DBNDD2: variants seen among roughly 807,000 people sequenced by gnomAD.
The protein encoded by DBNDD2 is dysbindin domain containing 2.
DBNDD2 carries 8 observed loss-of-function variants against 14.0 expected under a neutral mutation model. The ratio of observed to expected loss-of-function variants is 0.57; its 90% CI spans 0.33 to 1.03. DBNDD2 has a LOEUF of 1.03. Ranked by LOEUF, DBNDD2 falls within the 50% of genes least tolerant of loss-of-function variation. DBNDD2 has a pLI of 0.03. For synonymous variants in DBNDD2, 94 were observed against 85.3 expected (o/e 1.10, Z -0.56); for missense variants, 194 against 206.0 (o/e 0.94, Z 0.36).
chr20:45,407,556 T>C (rs1989523262), upstream of DBNDD2: 1 of 986,426 alleles, frequency 1.0e-6, no homozygotes, highest in South Asian at 4.7e-5. Flanking sequence ...ATAGCCTCAG[T>C]GCTCTGGCAG....
chr20:45,407,199 G>T (rs1379000176), upstream of DBNDD2: 7 of 553,112 alleles, frequency 1.3e-5, no homozygotes, highest in Non-Finnish European at 1.6e-5. Context: ...AGGGGCCCTG[G>T]GTATTTTTAG....
chr20:45,410,335 C>A lies in DBNDD2; in HGVS notation c.*195C>A. 1.5e-6 allele frequency: 1 copy of A among 654,252 alleles called. No homozygotes were observed. The highest frequency in any genetic ancestry group is 2.6e-6 in the Non-Finnish European group (1 of 390,206). The allele number at this position is 654,252 out of a possible 1,614,324, so 40.5% of individuals were successfully genotyped here. A position where few individuals can be genotyped will look rare whatever the true frequency, so the allele number is the denominator to read the frequency against. ...TACTGCTAATTTTTTCCTGCTGCAA[C>A]CCTCCCACCAGTTTTTGGCTTACTC... On this transcript the variant is annotated 3_prime_UTR_variant, in exon 3 of 3. Transcript: ENST00000372710.
upstream of DBNDD2, chr20:45,406,550 G>A (rs1386177267): frequency 6.6e-7 from 1 of 1,510,796 alleles, no homozygotes; most frequent in Non-Finnish European, 8.9e-7. Flanking sequence ...GAGTGAGCCC[G>A]CCACCGCCCC....
At chr20:45,407,716 A>G (rs1989537830), upstream of DBNDD2, 1 of 995,580 alleles carries the variant, frequency 1.0e-6, no homozygotes, top group African/African-American at 1.7e-5. Flanking sequence ...GTTGGAGTTC[A>G]AAGGAAAGAT....
upstream of DBNDD2, chr20:45,407,203 T>G: frequency 5.1e-6 from 3 of 590,882 alleles, no homozygotes; most frequent in South Asian, 7.5e-5. Context: ...GCCCTGGGTA[T>G]TTTTAGCGTT....
upstream of DBNDD2, chr20:45,408,201 G>A (rs773758880): frequency 5.9e-5 from 92 of 1,551,028 alleles, no homozygotes; most frequent in Admixed American, 1.8e-3. Context: ...TGAATACAGA[G>A]TATCTCTCTT....
upstream of DBNDD2, chr20:45,406,635 G>A: frequency 7.2e-7 from 1 of 1,385,232 alleles, no homozygotes; most frequent in South Asian, 1.7e-5. Context: ...AGCCCTGGAG[G>A]CGCAGCCCCA....
upstream of DBNDD2, chr20:45,406,502 C>T: frequency 6.6e-7 from 1 of 1,525,872 alleles, no homozygotes; most frequent in East Asian, 2.7e-5. Flanking sequence ...TAGCCGCGCT[C>T]GCAGGGGCTG....
upstream of DBNDD2, chr20:45,406,743 C>G: frequency 1.6e-6 from 2 of 1,266,756 alleles, no homozygotes; most frequent in Non-Finnish European, 2.0e-6. Flanking sequence ...GTAGGGGCTC[C>G]GGCGGCGGTG....
rs113063391 is a variant in DBNDD2 at position 45,410,105 on chromosome 20, G to C, written c.451G>C (p.Gly151Arg). 1.9e-6 allele frequency: 3 copies of C among 1,552,730 alleles called. No homozygotes were observed. Among genetic ancestry groups the C allele is most frequent in the African/African-American group, 2.7e-5 (2 of 73,250 alleles). Residue 151 changes from glycine (G) to arginine (R), a missense_variant, in exon 3 of 3, where the codon GGT (glycine) becomes CGT (arginine). Gly to Arg is a moderately radical substitution (Grantham distance 125). Coordinates refer to ENST00000372710, the MANE Select transcript of DBNDD2 (RefSeq NM_001048225.4). ...ACAGTCGGATGAAGAGGAGGAAAGG[G>C]GTGATGGAGGGGCAGAGCCTGGAGC... The part of the protein sequence containing the change: ...LAQSDEEEER[G>R]DGGAEPGACS
Position 45,410,244 on chromosome 20 carries a change from T to C in DBNDD2, c.*104T>C. 8.1e-7 allele frequency: 1 copy of C among 1,238,774 alleles called. No homozygotes were observed. Among genetic ancestry groups the C allele is most frequent in the Non-Finnish European group, 1.1e-6 (1 of 882,306 alleles). The allele number at this position is 1,238,774 out of a possible 1,614,324, so 76.7% of individuals were successfully genotyped here. A position where few individuals can be genotyped will look rare whatever the true frequency, so the allele number is the denominator to read the frequency against. ...AGAAGACCAGACTCTTTACTTGCAG[T>C]AGGCACCAGAGGTGGGAAGGATGGT... On this transcript the variant is annotated 3_prime_UTR_variant, in exon 3 of 3. Transcript: ENST00000372710.
chr20:45,406,598 G>T, upstream of DBNDD2: 12 of 1,447,456 alleles, frequency 8.3e-6, no homozygotes, highest in Non-Finnish European at 1.1e-5. Flanking sequence ...CTCGTTCCCG[G>T]CTCCCAGGGC....
At chr20:45,408,714 G>A (rs1446063941) in intron 1 of DBNDD2, 87 bp from the exon 2 acceptor site, 2 of 1,579,732 alleles carry the variant, frequency 1.3e-6, no homozygotes, top group Non-Finnish European at 1.7e-6. Context: ...GGCCCTCTAT[G>A]CTTCTAACTT....
In DBNDD2 at chr20:45,408,430, G is replaced by A. The variant is rs900239128; in HGVS notation, c.-38G>A. 3 of 1,614,126 alleles carry A rather than the reference G, an allele frequency of 1.9e-6. No homozygotes were observed. The Admixed American group carries it at 5.0e-5, about 27-fold the overall frequency. ...CTCTGTCTTCTCTTTCGACTTTGCA[G>A]CTGTACTTGTTTTGCTCCTCTACCC... On this transcript the variant is annotated 5_prime_UTR_variant, in exon 1 of 3. Coordinates refer to ENST00000372710, the MANE Select transcript of DBNDD2 (RefSeq NM_001048225.4).
chr20:45,407,389 G>C, upstream of DBNDD2: 3 of 986,040 alleles, frequency 3.0e-6, no homozygotes, highest in Non-Finnish European at 3.6e-6. Flanking sequence ...CAGGGTCTGG[G>C]ATACGCTGGG....
chr20:45,410,258 G>A lies in DBNDD2; in HGVS notation c.*118G>A. On this transcript the variant is annotated 3_prime_UTR_variant, in exon 3 of 3. Transcript: ENST00000372710. ...TTTACTTGCAGTAGGCACCAGAGGT[G>A]GGAAGGATGGTGGGATTGTGTACCT... The A allele has an allele frequency of 9.1e-7, 1 of 1,097,464 alleles. No homozygotes were observed. Among genetic ancestry groups the A allele is most frequent in the Non-Finnish European group, 1.3e-6 (1 of 764,090 alleles). 68.0% of individuals were successfully genotyped at this position (1,097,464 alleles called of 1,614,324 possible). A position where few individuals can be genotyped will look rare whatever the true frequency, so the allele number is the denominator to read the frequency against.
upstream of DBNDD2, chr20:45,406,673 C>T (rs1989417090): frequency 2.2e-6 from 3 of 1,338,260 alleles, no homozygotes; most frequent in East Asian, 3.2e-5. Context: ...CGCTCCCACG[C>T]CCCCGCCGCG....
At position 45,410,064 on chromosome 20, in the gene DBNDD2, C is replaced by T; in HGVS notation, c.410C>T (p.Ala137Val). 1 of 1,554,800 alleles carries T rather than the reference C, an allele frequency of 6.4e-7. No homozygotes were observed. Among genetic ancestry groups the T allele is most frequent in the South Asian group, 1.2e-5 (1 of 84,172 alleles). ...AGCCCAAATCCAAGTGATGATGGAG[C>T]AGATACGCCCTTGGCACAGTCGGAT... ...LHSPNPSDDG[A>V]DTPLAQSDEE... Residue 137 changes from alanine to valine, a missense_variant, in exon 3 of 3, where the codon GCA becomes GTA. By Grantham distance (64) the Ala-to-Val change is moderately conservative (BLOSUM62 0). Coordinates refer to ENST00000372710, the MANE Select transcript of DBNDD2 (RefSeq NM_001048225.4).
In DBNDD2 at chr20:45,408,511, G is replaced by A. The variant is rs764144239; in HGVS notation, c.44G>A (p.Arg15His). 3.7e-6 allele frequency: 6 copies of A among 1,614,134 alleles called. No homozygotes were observed. The highest frequency in any genetic ancestry group is 1.3e-5 in the African/African-American group (1 of 74,946). ...GCCGCCCTGGAGCGCCAGCAGCTCC[G>A]CCTTCGGGAGCGGCAAAAATTCTTC... ...PRAALERQQL[R>H]LRERQKFFED... The change falls in exon 1 of 3, where the codon CGC (arginine) becomes CAC (histidine). Residue 15 changes from arginine to histidine, a missense_variant. Coordinates refer to ENST00000372710, the MANE Select transcript of DBNDD2 (RefSeq NM_001048225.4).
Sources: gnomAD v4.1 joint callset for allele counts on GRCh38, gnomAD v4.1.1 for gene constraint, MANE v1.5 for transcripts, NCBI Gene and HGNC (gene_info 2026-07-23, HGNC 2026-07-21) for gene names.